The following DSE variants were observed in gnomAD, a reference collection of about 807,000 sequenced individuals.
DSE encodes dermatan-sulfate epimerase.
In DSE, 36 loss-of-function variants were observed where a neutral mutation model predicts 84.4. That is an observed-to-expected ratio of 0.43 (90% CI 0.33 to 0.56). DSE has a LOEUF of 0.56. DSE is among the 20% of genes least tolerant of loss of function. The pLI, the probability that DSE is intolerant of heterozygous loss-of-function variation, is 0.06. For missense variants in DSE, 862 were observed against 1,169.6 expected, an observed-to-expected ratio of 0.74 and a Z score of 3.84; for synonymous variants, 410 against 430.1, an observed-to-expected ratio of 0.95 and a Z score of 0.58.
intron 2 of DSE, chr6:116,279,166 G>C: frequency 6.2e-7 from 1 of 1,613,484 alleles, no homozygotes; most frequent in South Asian, 1.1e-5. Flanking sequence ...CTCATGCAAA[G>C]GCCAGGGCCC....
intron 2 of DSE, among the ~76,000 whole-genome samples, chr6:116,293,360 C>T (rs963181996): frequency 6.6e-6 from 1 of 151,518 alleles, no homozygotes; most frequent in Non-Finnish European, 1.5e-5. Context: ...CAACCTCTGC[C>T]TCCCAGGTTC....
At chr6:116,314,669 T>A (rs1175990209) in intron 2 of DSE, among the ~76,000 whole-genome samples, 1 of 152,196 alleles carries the variant, frequency 6.6e-6, no homozygotes, top group Non-Finnish European at 1.5e-5. Flanking sequence ...TAGTGTTATT[T>A]TGAGGGAAAT....
At chr6:116,270,013 A>G (rs1255457584) in intron 2 of DSE, among the ~76,000 whole-genome samples, 1 of 152,148 alleles carries the variant, frequency 6.6e-6, no homozygotes, top group East Asian at 1.9e-4. Context: ...TTCTGCTCTG[A>G]TAGAGTTATA....
rs751782499 is a variant in DSE at position 116,259,012 on chromosome 6, A to G, written c.-54+45A>G. On this transcript the variant is annotated intron_variant, in intron 2 of 3. Coordinates refer to the DSE transcript ENST00000430252. The stretch of plus-strand genomic sequence containing the variant: ...CTCCTTCACTGCAATGTAATCCTGC[A>G]GGGAAATGTCACTGATGTGCACATC... 6 of 1,506,994 alleles carry G rather than the reference A, an allele frequency of 4.0e-6. No individual in the cohort carries two copies. In the East Asian group the frequency reaches 1.4e-4, roughly 34 times the overall value. 93.4% of individuals were successfully genotyped at this position (1,506,994 alleles called of 1,614,324 possible).
rs561576328 is a variant in DSE at position 116,291,251 on chromosome 6, T to C, written c.-54+32284T>C. On this transcript the variant is annotated intron_variant, in intron 2 of 3. Coordinates refer to the DSE transcript ENST00000430252. ...AATTATAATACTAGGAGAGTGTTGTTCCAGCAAGAGAGATGTGGACAAAGG... is the reference window on the plus strand; with the variant it reads ...AATTATAATACTAGGAGAGTGTTGTCCCAGCAAGAGAGATGTGGACAAAGG... 5.3e-4 allele frequency among the ~76,000 whole-genome samples: 81 copies of C among 152,232 alleles called. 1 individual carries two copies. The highest frequency in any genetic ancestry group is 6.8e-3 in the Middle Eastern group (2 of 294).
chr6:116,276,193 G>T (rs760626747), intron 2 of DSE, among the ~76,000 whole-genome samples: 1 of 152,154 alleles, frequency 6.6e-6, no homozygotes, highest in Non-Finnish European at 1.5e-5. Flanking sequence ...GGATTTGACA[G>T]AAGAGAACAG....
chr6:116,370,590 C>T (rs142881846), upstream of DSE: 1,019 of 871,266 alleles, frequency 1.2e-3, 6 homozygotes, highest in African/African-American at 1.0e-2. Flanking sequence ...GTTACCTTTC[C>T]TTTGGGTGTG....
Position 116,405,616 on chromosome 6 carries a change from G to C in DSE, c.416+5950G>C, listed in dbSNP as rs79800083. On this transcript the variant is annotated intron_variant, in intron 2 of 5. Transcript: ENST00000644252. Reference sequence around the variant, plus strand: ...GCTGCAGAGACTTAAAAATACTATAGAAGGGTAAAATAACTTATGAGGCTT... The same window carrying C: ...GCTGCAGAGACTTAAAAATACTATACAAGGGTAAAATAACTTATGAGGCTT... 4.2e-3 allele frequency among the ~76,000 whole-genome samples: 640 copies of C among 152,250 alleles called. 3 individuals are homozygous for C. The highest frequency in any genetic ancestry group is 6.4e-3 in the Non-Finnish European group (432 of 68,028).
rs566596972 is a variant in DSE at position 116,292,663 on chromosome 6, GCAAA to G, written c.-54+33705_-54+33708del. 6.1e-3 allele frequency among the ~76,000 whole-genome samples: 931 copies of G among 151,852 alleles called. 8 individuals carry two copies. The highest frequency in any genetic ancestry group is 0.021 in the African/African-American group (888 of 41,422). On this transcript the variant is annotated intron_variant, in intron 2 of 3. Transcript: ENST00000430252. ...ATTATTACACTGAAGTGTTGAGGAA[GCAAA>G]CAAACAAAAAAAAAGAAAACAAACT...
chr6:116,278,774 T>C (rs1182157464), intron 2 of DSE: 2 of 1,613,918 alleles, frequency 1.2e-6, no homozygotes, highest in Non-Finnish European at 8.5e-7. Context: ...ATAATTGGAG[T>C]AGAAAGAGAC....
chr6:116,438,965 C>T lies in DSE; in HGVS notation c.*1620C>T, dbSNP rs1328473595. On this transcript the variant is annotated 3_prime_UTR_variant, in exon 6 of 6. Transcript: ENST00000644252. ...ATTTTTTTCCCCTCTCATGGAAAGT[C>T]TCTAGGGAGGATGTCATTACACACT... is the stretch of plus-strand genomic sequence containing the variant. 3 of 152,146 alleles carry T rather than the reference C, an allele frequency of 2.0e-5. No homozygotes were observed. Among genetic ancestry groups the T allele is most frequent in the Non-Finnish European group, 2.9e-5 (2 of 68,000 alleles). The allele number at this position is 152,146 out of a possible 1,614,324, so 9.4% of individuals were successfully genotyped here.
In DSE at chr6:116,406,090, A is replaced by G. The variant is rs113819752; in HGVS notation, c.416+6424A>G. Among the ~76,000 whole-genome samples, 817 of 152,312 alleles carry G rather than the reference A, an allele frequency of 5.4e-3. 14 individuals are homozygous for G. The highest frequency in any genetic ancestry group is 0.018 in the African/African-American group (761 of 41,554). On this transcript the variant is annotated intron_variant, in intron 2 of 5. Transcript: ENST00000644252. ...ATCCGAAGTTAATTTTCTTTGTAAG[A>G]TATGTTTATTGACTCTAAGATTCAG...
rs546220921 is a variant in DSE, at chr6:116,379,990, C to T, written c.-54+8869C>T. Reference sequence around the variant, plus strand: ...GTGTTAGGGTGGTTATATTACAGATCCTAGGGTGGTTATATTACAGATCCT... The same window carrying T: ...GTGTTAGGGTGGTTATATTACAGATTCTAGGGTGGTTATATTACAGATCCT... On this transcript the variant is annotated intron_variant, in intron 1 of 5. Transcript: ENST00000644252. Among the ~76,000 whole-genome samples, 7 of 152,190 alleles carry T rather than the reference C, an allele frequency of 4.6e-5. No individual in the cohort carries two copies. In the South Asian group the frequency reaches 8.3e-4, roughly 18 times the overall value.
intron 2 of DSE, chr6:116,279,953 C>G: frequency 7.0e-7 from 1 of 1,420,350 alleles, no homozygotes; most frequent in Non-Finnish European, 9.9e-7. Context: ...GCGGTGTCGT[C>G]AGGACTGGAG....
At chr6:116,304,776 CA>C (rs1347633375) in intron 2 of DSE, among the ~76,000 whole-genome samples, 1 of 152,220 alleles carries the variant, frequency 6.6e-6, no homozygotes, top group Non-Finnish European at 1.5e-5. Flanking sequence ...AGAGTCCCCC[CA>C]GCCCTCATCT....
chr6:116,346,528 A>T (rs1439491681), intron 2 of DSE, among the ~76,000 whole-genome samples: 1 of 152,244 alleles, frequency 6.6e-6, no homozygotes, highest in Non-Finnish European at 1.5e-5. Flanking sequence ...CCACATGATT[A>T]TCTCAATAGA....
chr6:116,274,109 C>T (rs1250129156), intron 2 of DSE, among the ~76,000 whole-genome samples: 1 of 151,582 alleles, frequency 6.6e-6, no homozygotes, highest in Non-Finnish European at 1.5e-5. Context: ...GGATTTCAGG[C>T]GTGAGCCACC....
chr6:116,339,823 C>G (rs58300919), intron 2 of DSE, among the ~76,000 whole-genome samples: 1,968 of 152,246 alleles, frequency 0.013, 47 homozygotes, highest in African/African-American at 0.045. Context: ...AGAAGAATCT[C>G]CATTCTGCAT....
At chr6:116,309,959 A>T (rs1775583509) in intron 2 of DSE, among the ~76,000 whole-genome samples, 1 of 152,230 alleles carries the variant, frequency 6.6e-6, no homozygotes, top group Admixed American at 6.5e-5. Context: ...AAGAAAAAAA[A>T]AAGAAGCATT....
Sources: gnomAD v4.1 joint callset for allele counts (sites outside exome capture counted in the v4.1 genomes callset) on GRCh38, gnomAD v4.1.1 for gene constraint, MANE v1.5 for transcripts, NCBI Gene and HGNC (gene_info 2026-07-23, HGNC 2026-07-21) for gene names.